Variants in TAF8 observed in about 807,000 individuals in gnomAD.
The protein encoded by TAF8 is transcription initiation factor TFIID subunit 8.
A neutral mutation model predicts 36.5 loss-of-function variants in TAF8; 47 were observed. The ratio of observed to expected loss-of-function variants is 1.29; its 90% CI spans 1.02 to 1.64. The LOEUF is 1.64. TAF8 is among the 40% of genes most tolerant of loss of function. The pLI, the probability that TAF8 is intolerant of heterozygous loss-of-function variation, is 0.00. For synonymous variants in TAF8, 175 were observed against 159.5 expected (o/e 1.10, Z -0.73); for missense variants, 420 against 407.6 (o/e 1.03, Z -0.26).
At chr6:42,064,758 C>A (rs1439098736) in intron 5 of TAF8, among the ~76,000 whole-genome samples, 2 of 150,512 alleles carry the variant, frequency 1.3e-5, no homozygotes, top group Non-Finnish European at 3.0e-5. Context: ...GAGATCGAGA[C>A]CATCCTGGCA....
intron 6 of TAF8, among the ~76,000 whole-genome samples, chr6:42,067,516 A>C (rs1055958012): frequency 6.8e-6 from 1 of 147,852 alleles, no homozygotes; most frequent in African/African-American, 2.5e-5. Flanking sequence ...CACCCAGCCA[A>C]TTCTAGAGTA....
At chr6:42,069,912 A>C (rs952456870) in intron 7 of TAF8, among the ~76,000 whole-genome samples, 1 of 152,140 alleles carries the variant, frequency 6.6e-6, no homozygotes, top group African/African-American at 2.4e-5. Context: ...TGTGTCCTGG[A>C]GGCCAAGGGA....
At chr6:42,084,709 T>A (rs554588964), downstream of TAF8, among the ~76,000 whole-genome samples, 16 of 152,156 alleles carry the variant, frequency 1.1e-4, no homozygotes, top group Non-Finnish European at 1.2e-4. Context: ...GTGATCCACC[T>A]GCCTCAGCCT....
rs565147111 is a variant in TAF8 at position 42,068,514 on chromosome 6, G to A, written c.687G>A (p.Pro229=). The change falls in exon 7 of 9, where the codon CCG becomes CCA. Residue 229 remains proline (P), a synonymous_variant. Coordinates refer to ENST00000372977, the MANE Select transcript of TAF8 (RefSeq NM_138572.3). ...TCCCCTACCTGACAGCTCTTCTTCCGTCTGAACTGGAGATGCAACAAATGG... is the reference window on the plus strand; with the variant it reads ...TCCCCTACCTGACAGCTCTTCTTCCATCTGAACTGGAGATGCAACAAATGG... ...FTIPYLTALL[P]SELEMQQMEE... is the part of the protein sequence containing the mutation. 2.9e-5 allele frequency: 47 copies of A among 1,614,040 alleles called. No individual in the cohort carries two copies. Among genetic ancestry groups the A allele is most frequent in the East Asian group, 1.8e-4 (8 of 44,884 alleles).
intron 8 of TAF8, 67 bp from the exon 9 acceptor site, chr6:42,077,466 G>A (rs1765792983): frequency 6.3e-7 from 1 of 1,598,720 alleles, no homozygotes; most frequent in Non-Finnish European, 8.5e-7. Context: ...CACTGGAGCA[G>A]TTTTCCCCTA....
downstream of TAF8, among the ~76,000 whole-genome samples, chr6:42,084,044 G>T (rs1765990428): frequency 6.6e-6 from 1 of 152,078 alleles, no homozygotes; most frequent in Admixed American, 6.6e-5. Flanking sequence ...AGCCGGGCAT[G>T]GTGGCGGGTG....
intron 1 of TAF8, 102 bp downstream of exon 1, chr6:42,050,688 C>A: frequency 2.9e-6 from 4 of 1,355,962 alleles, no homozygotes; most frequent in South Asian, 2.9e-5. Flanking sequence ...TCAGCCCCAT[C>A]ATGAGCTCCG....
Position 42,051,461 on chromosome 6 carries a change from T to G in TAF8, c.150T>G (p.Phe50Leu). The change falls in exon 2 of 9, where the codon TTT becomes TTG. Residue 50 changes from phenylalanine (F) to leucine (L), a missense_variant. Physicochemically the swap from Phe to Leu is conservative, Grantham distance 22. Transcript: ENST00000372977. ...GCTCCTTGCTGACAGAGGCAGGGTT[T>G]GAGAGTGCCGAGAAAGCATCCGTGG... ...VVSSLLTEAGFESAEKASVET... is the reference protein window; with the variant it reads ...VVSSLLTEAGLESAEKASVET... 6.2e-7 allele frequency: 1 copy of G among 1,614,040 alleles called. No homozygotes were observed. The highest frequency in any genetic ancestry group is 8.5e-7 in the Non-Finnish European group (1 of 1,179,984).
chr6:42,055,623 G>A lies in TAF8; in HGVS notation c.295G>A (p.Glu99Lys), dbSNP rs1170298007. ...TLSDIVVTLV[E>K]MGFNVDTLPA... is the part of the protein sequence containing the mutation. The stretch of plus-strand genomic sequence containing the variant: ...GTCCGATATCGTGGTCACACTTGTT[G>A]AGATGGGTGAGTATACCTTCAGTTT... The change falls in exon 3 of 9, where the codon GAG (glutamate) becomes AAG (lysine). Residue 99 changes from glutamate (E) to lysine (K), a missense_variant. Coordinates refer to ENST00000372977, the MANE Select transcript of TAF8 (RefSeq NM_138572.3). The A allele has an allele frequency of 6.2e-7, 1 of 1,613,344 alleles. No homozygotes were observed. Among genetic ancestry groups the A allele is most frequent in the Non-Finnish European group, 8.5e-7 (1 of 1,179,362 alleles).
intron 6 of TAF8, among the ~76,000 whole-genome samples, chr6:42,068,132 C>A (rs940070894): frequency 6.6e-6 from 1 of 152,228 alleles, no homozygotes; most frequent in African/African-American, 2.4e-5. Flanking sequence ...TCTATAGCCT[C>A]ATTTCCATCT....
Position 42,066,335 on chromosome 6 carries a change from C to T in TAF8, c.513C>T (p.Asp171=). The T allele has an allele frequency of 6.2e-7, 1 of 1,614,146 alleles. No homozygotes were observed. Among genetic ancestry groups the T allele is most frequent in the Admixed American group, 1.7e-5 (1 of 60,022 alleles). ...AGACGTACCGTGAGCCCGTGTCAGACTACCAGGTCCTGCGGGAGAAGGCTG... is the reference window on the plus strand; with the variant it reads ...AGACGTACCGTGAGCCCGTGTCAGATTACCAGGTCCTGCGGGAGAAGGCTG... ...KTPTYREPVS[D]YQVLREKAAS... The change falls in exon 6 of 9, where the codon GAC becomes GAT. Residue 171 remains aspartate (D), a synonymous_variant. Coordinates refer to ENST00000372977, the MANE Select transcript of TAF8 (RefSeq NM_138572.3).
At chr6:42,064,786 C>A (rs1356392412) in intron 5 of TAF8, among the ~76,000 whole-genome samples, 2 of 150,810 alleles carry the variant, frequency 1.3e-5, no homozygotes, top group Non-Finnish European at 3.0e-5. Context: ...TGAAACCCGT[C>A]TCTACTAAAA....
intron 6 of TAF8, 41 bp downstream of exon 6, chr6:42,066,500 A>G: frequency 6.2e-7 from 1 of 1,604,890 alleles, no homozygotes; most frequent in Non-Finnish European, 8.5e-7. Context: ...CTTATTTGAA[A>G]CACTCACATT....
chr6:42,083,781 C>T (rs1225925598), downstream of TAF8, among the ~76,000 whole-genome samples: 1 of 152,076 alleles, frequency 6.6e-6, no homozygotes, highest in African/African-American at 2.4e-5. Context: ...GACATTTAAG[C>T]TGGACTTTTA....
chr6:42,062,759 C>T (rs1582225904), intron 5 of TAF8, among the ~76,000 whole-genome samples: 1 of 151,440 alleles, frequency 6.6e-6, no homozygotes, highest in African/African-American at 2.4e-5. Flanking sequence ...CCAGGCTGGT[C>T]TCGAACTCCT....
At chr6:42,057,063 C>G (rs1030649375) in intron 4 of TAF8, among the ~76,000 whole-genome samples, 4 of 152,184 alleles carry the variant, frequency 2.6e-5, no homozygotes, top group Non-Finnish European at 5.9e-5. Context: ...TATCCAAGGT[C>G]TCTGAAAAGA....
In TAF8 at chr6:42,051,433, T is replaced by G; in HGVS notation, c.122T>G (p.Val41Gly). ...CGGAGGAGAACCCTGCAGGTGGTTG[T>G]GAGCTCCTTGCTGACAGAGGCAGGG... Reference protein sequence around the residue: ...LARRRTLQVVVSSLLTEAGFE... With the variant: ...LARRRTLQVVGSSLLTEAGFE... The change falls in exon 2 of 9, where the codon GTG (valine) becomes GGG (glycine). Residue 41 changes from valine to glycine, a missense_variant. Transcript: ENST00000372977. 8 of 1,614,120 alleles carry G rather than the reference T, an allele frequency of 5.0e-6. No individual in the cohort carries two copies. The highest frequency in any genetic ancestry group is 6.8e-6 in the Non-Finnish European group (8 of 1,179,996).
At chr6:42,058,384 A>G (rs1354188350) in intron 5 of TAF8, among the ~76,000 whole-genome samples, 1 of 152,244 alleles carries the variant, frequency 6.6e-6, no homozygotes, top group African/African-American at 2.4e-5. Flanking sequence ...TGTCTCAAAA[A>G]GAAATAAATA....
At chr6:42,075,465 TC>T (rs1159058463) in intron 7 of TAF8, among the ~76,000 whole-genome samples, 1 of 152,220 alleles carries the variant, frequency 6.6e-6, no homozygotes. Flanking sequence ...CTAGATGTGA[TC>T]TGGTTTCTTC....
Sources: gnomAD v4.1 joint callset for allele counts (sites outside exome capture counted in the v4.1 genomes callset) on GRCh38, gnomAD v4.1.1 for gene constraint, MANE v1.5 for transcripts, NCBI Gene and HGNC (gene_info 2026-07-23, HGNC 2026-07-21) for gene names.